PDGFA: variants seen among roughly 807,000 people sequenced by gnomAD.
The protein encoded by PDGFA is platelet-derived growth factor subunit A.
Under a neutral mutation model 25.6 loss-of-function variants are expected in PDGFA, and 9 were observed. The ratio of observed to expected loss-of-function variants is 0.35; its 90% CI spans 0.21 to 0.61. PDGFA has a LOEUF of 0.61. Ranked by LOEUF, PDGFA falls within the 20% of genes least tolerant of loss-of-function variation. The pLI, the probability that PDGFA is intolerant of heterozygous loss-of-function variation, is 0.75. For synonymous variants in PDGFA, 133 were observed against 111.8 expected (o/e 1.19, Z -1.20); for missense variants, 242 against 272.8 (o/e 0.89, Z 0.79).
chr7:506,681 T>C (rs780285625), intron 4 of PDGFA, among the ~76,000 whole-genome samples: 12 of 152,070 alleles, frequency 7.9e-5, no homozygotes, highest in Non-Finnish European at 1.6e-4. Context: ...CCCCCGAGGC[T>C]TGGGTCTGGG....
At chr7:503,394 C>T (rs1039472217) in intron 4 of PDGFA, among the ~76,000 whole-genome samples, 2 of 152,132 alleles carry the variant, frequency 1.3e-5, no homozygotes, top group East Asian at 1.9e-4. Context: ...AGAAAGGAAA[C>T]GGAGGCCGGG....
exon 6 of PDGFA, chr7:497,650 C>T (rs1458619260): frequency 1.3e-5 from 2 of 152,044 alleles, no homozygotes; most frequent in Admixed American, 6.6e-5. Context: ...GATTGGTTGA[C>T]GCATAGTTCT....
chr7:502,502 A>G (rs935794858), intron 4 of PDGFA, among the ~76,000 whole-genome samples: 1 of 152,154 alleles, frequency 6.6e-6, no homozygotes, highest in South Asian at 2.1e-4. Flanking sequence ...GAGGCTACAC[A>G]AGATGATCCA....
chr7:503,882 C>T (rs1782455060), intron 4 of PDGFA, among the ~76,000 whole-genome samples: 2 of 152,158 alleles, frequency 1.3e-5, no homozygotes, highest in Non-Finnish European at 2.9e-5. Context: ...CGTCACAAAG[C>T]GTGAGAGAAA....
chr7:512,800 G>T (rs1043489282), intron 2 of PDGFA: 9 of 542,810 alleles, frequency 1.7e-5, no homozygotes, highest in Non-Finnish European at 2.6e-5. Context: ...CCCAGGTGAG[G>T]GCTGCCCCGG....
At chr7:506,545 A>G (rs571491569) in intron 4 of PDGFA, among the ~76,000 whole-genome samples, 1 of 152,156 alleles carries the variant, frequency 6.6e-6, no homozygotes, top group African/African-American at 2.4e-5. Context: ...GTGAGCACAC[A>G]CCTTCTGGAA....
At chr7:505,902 G>T (rs543501755) in intron 4 of PDGFA, among the ~76,000 whole-genome samples, 1 of 152,164 alleles carries the variant, frequency 6.6e-6, no homozygotes, top group Non-Finnish European at 1.5e-5. Context: ...AGCTGGGTGC[G>T]GTGGCTCACG....
In PDGFA at chr7:517,810, G is replaced by C. The variant is rs1360443524; in HGVS notation, c.64-320C>G. Among the ~76,000 whole-genome samples the C allele has an allele frequency of 2.0e-5, 3 of 151,960 alleles. No individual in the cohort carries two copies. In the South Asian group the frequency reaches 6.2e-4, roughly 32 times the overall value. ...GGGGTGTCAGTTACAGAAGGTCTAGGGGGCAGCGAGGGGGCCGAAAGTTTC... is the reference window on the plus strand; with the variant it reads ...GGGGTGTCAGTTACAGAAGGTCTAGCGGGCAGCGAGGGGGCCGAAAGTTTC... On this transcript the variant is annotated intron_variant, in intron 1 of 5. Coordinates refer to ENST00000402802, the Ensembl canonical transcript of PDGFA. This position sits in a 1 kb window ranked among gnomAD's most constrained non-coding sequence, Gnocchi z 7.4.
intron 2 of PDGFA, among the ~76,000 whole-genome samples, chr7:514,456 G>A (rs879492298): frequency 2.6e-4 from 39 of 152,114 alleles, no homozygotes; most frequent in African/African-American, 8.7e-4. Context: ...TCAAGATGCC[G>A]AGAGTGGACC....
rs2128407411 is a variant in PDGFA at position 517,370 on chromosome 7, G to A, written c.160+24C>T. On this transcript the variant is annotated intron_variant, in intron 2 of 5. Coordinates refer to ENST00000402802, the Ensembl canonical transcript of PDGFA. The surrounding 1 kb of genome is among the most constrained non-coding windows in gnomAD (Gnocchi z 7.4). Reference sequence around the variant, plus strand: ...CCGCCCGCCCGCGCCCTCCCCGCGCGCGGAGGGAAGGGGCGCGATTTACCT... The same window carrying A: ...CCGCCCGCCCGCGCCCTCCCCGCGCACGGAGGGAAGGGGCGCGATTTACCT... 2 of 1,241,630 alleles carry A rather than the reference G, an allele frequency of 1.6e-6. No individual in the cohort carries two copies. The highest frequency in any genetic ancestry group is 1.7e-5 in the South Asian group (1 of 57,502). 76.9% of individuals were successfully genotyped at this position (1,241,630 alleles called of 1,614,324 possible).
Position 499,727 on chromosome 7 carries a change from C to CCCA in PDGFA, c.581-1154_581-1153insTGG, listed in dbSNP as rs1782245227. ...AGGGTGTTATTTTGCCCTTCCCCCC[C>CCCA]CCCCCCGCTCACTCCTTCTTCCAGC... is the stretch of plus-strand genomic sequence containing the variant. On this transcript the variant is annotated intron_variant, in intron 5 of 5. Coordinates refer to ENST00000402802, the Ensembl canonical transcript of PDGFA. Among the ~76,000 whole-genome samples, 2 of 63,120 alleles carry CCCA rather than the reference C, an allele frequency of 3.2e-5. 1 individual carries two copies. Among genetic ancestry groups the CCCA allele is most frequent in the Non-Finnish European group, 7.1e-5 (2 of 28,326 alleles). The allele number at this position is 63,120 out of a possible 152,430, so 41.4% of individuals were successfully genotyped here. A position where few individuals can be genotyped will look rare whatever the true frequency, so the allele number is the denominator to read the frequency against.
At chr7:520,238 C>T (rs1783312543), upstream of PDGFA, 1 of 209,756 alleles carries the variant, frequency 4.8e-6, no homozygotes, top group Admixed American at 6.5e-5. Context: ...GCGCCCAGAG[C>T]TGCTGCGCCA....
Position 500,194 on chromosome 7 carries a change from G to C in PDGFA, c.580+922C>G, listed in dbSNP as rs1562483455. On this transcript the variant is annotated intron_variant, in intron 5 of 5. Transcript: ENST00000402802. This position sits in a 1 kb window ranked among gnomAD's most constrained non-coding sequence, Gnocchi z 5.0. The stretch of plus-strand genomic sequence containing the variant: ...TCCTGCATCCCCAATCAACGACAAA[G>C]AGAAGGACAAAGCTGGAGGCAGGCT... Among the ~76,000 whole-genome samples the C allele has an allele frequency of 6.6e-6, 1 of 152,216 alleles. No individual in the cohort carries two copies. Among genetic ancestry groups the C allele is most frequent in the Non-Finnish European group, 1.5e-5 (1 of 68,052 alleles).
intron 2 of PDGFA, among the ~76,000 whole-genome samples, chr7:516,855 A>G (rs2128406834): frequency 6.6e-6 from 1 of 152,348 alleles, no homozygotes; most frequent in African/African-American, 2.4e-5. Context: ...GAAAACAGAA[A>G]GACACCGGCT....
upstream of PDGFA, chr7:520,280 C>T (rs1014875703): frequency 5.3e-5 from 10 of 190,388 alleles, 1 homozygote; most frequent in South Asian, 4.7e-4. Context: ...CCCGCCCCCG[C>T]CCCGGCGCTC....
At chr7:498,553 G>A (rs1782195830) in exon 6 of PDGFA, 1 of 1,608,896 alleles carries the variant, frequency 6.2e-7, no homozygotes, top group South Asian at 1.1e-5. Context: ...GGAAAGGGCT[G>A]CGGCTCATCC....
intron 4 of PDGFA, among the ~76,000 whole-genome samples, chr7:501,741 C>G (rs984644988): frequency 1.3e-5 from 2 of 152,142 alleles, no homozygotes; most frequent in African/African-American, 4.8e-5. Flanking sequence ...TGGTATTTAG[C>G]AGACTCATCC....
At chr7:505,387 C>T (rs919114421) in intron 4 of PDGFA, among the ~76,000 whole-genome samples, 3 of 152,172 alleles carry the variant, frequency 2.0e-5, no homozygotes, top group African/African-American at 4.8e-5. Flanking sequence ...ACACTCCCGG[C>T]GCGAACTCAC....
chr7:502,019 G>T (rs923112326), intron 4 of PDGFA, among the ~76,000 whole-genome samples: 1 of 152,098 alleles, frequency 6.6e-6, no homozygotes, highest in Non-Finnish European at 1.5e-5. Context: ...AACTCCAGGG[G>T]TTCAAGACCA....
Sources: allele counts gnomAD v4.1 joint callset (sites outside exome capture counted in the v4.1 genomes callset), GRCh38; gene constraint gnomAD v4.1.1; non-coding constraint Gnocchi (gnomAD v3.1); transcripts MANE v1.5; gene names NCBI Gene and HGNC (gene_info 2026-07-23, HGNC 2026-07-21).